CCDC112: variants seen among roughly 807,000 people sequenced by gnomAD.
CCDC112 encodes the protein coiled-coil domain-containing protein 112.
A neutral mutation model predicts 66.3 loss-of-function variants in CCDC112; 40 were observed. The observed-to-expected ratio is 0.60, with a 90% CI of 0.47 to 0.79. The LOEUF (loss-of-function observed/expected upper bound fraction) is 0.79. Ranked by LOEUF, CCDC112 falls within the 30% of genes least tolerant of loss-of-function variation. CCDC112 has a pLI of 0.00. For synonymous variants in CCDC112, 214 were observed against 197.2 expected (o/e 1.09, Z -0.71); for missense variants, 659 against 603.8 (o/e 1.09, Z -0.96).
intron 9 of CCDC112, 108 bp downstream of exon 9, chr5:115,268,774 T>C: frequency 2.6e-6 from 1 of 380,634 alleles, no homozygotes. Flanking sequence ...TTACATATTA[T>C]ATTTTCATAT....
rs769520015 is a variant in CCDC112 at position 115,271,399 on chromosome 5, CTCT to C, written c.1143_1145del (p.Glu382del). 2.0e-5 allele frequency: 32 copies of C among 1,607,938 alleles called. No individual in the cohort carries two copies. Among genetic ancestry groups the C allele is most frequent in the Admixed American group, 1.4e-4 (8 of 58,814 alleles). Reference sequence around the variant, plus strand: ...GTTCTTTCTGATGTTTTTTCTCTTTCTCTTCTTCTTCTTTTAACTGGGAAGCAC... The same window carrying C: ...GTTCTTTCTGATGTTTTTTCTCTTTCTCTTCTTCTTTTAACTGGGAAGCAC... On this transcript the variant is annotated inframe_deletion, in exon 7 of 10. Coordinates refer to ENST00000379611, the MANE Select transcript of CCDC112 (RefSeq NM_001040440.3).
chr5:115,274,414 T>C (rs1749119536), intron 6 of CCDC112, among the ~76,000 whole-genome samples: 1 of 152,224 alleles, frequency 6.6e-6, no homozygotes, highest in Admixed American at 6.5e-5. Flanking sequence ...GGCGTTATTT[T>C]TTTTTCTGGG....
In CCDC112 at chr5:115,273,623, T is replaced by A. The variant is rs545629657; in HGVS notation, c.918+1593A>T. 1.3e-4 allele frequency among the ~76,000 whole-genome samples: 20 copies of A among 152,300 alleles called. 1 individual carries two copies. Among genetic ancestry groups the A allele is most frequent in the Admixed American group, 9.2e-4 (14 of 15,300 alleles). On this transcript the variant is annotated intron_variant, in intron 6 of 9. Transcript: ENST00000379611. Reference sequence around the variant, plus strand: ...CAAGGAAAATAAGCTAGAATCTGAATGGTTTACTTTTATCACAAGAAGCAG... The same window carrying A: ...CAAGGAAAATAAGCTAGAATCTGAAAGGTTTACTTTTATCACAAGAAGCAG...
At chr5:115,276,879 A>C in intron 4 of CCDC112, 86 bp downstream of exon 4, 1 of 819,370 alleles carries the variant, frequency 1.2e-6, no homozygotes, top group Non-Finnish European at 2.0e-6. Flanking sequence ...CTTAAGTCCT[A>C]ACCAATAAAG....
rs1749231039 is a variant in CCDC112 at position 115,276,943 on chromosome 5, TATA to T, written c.451+19_451+21del. The T allele has an allele frequency of 7.0e-7, 1 of 1,428,924 alleles. No individual in the cohort carries two copies. Among genetic ancestry groups the T allele is most frequent in the African/African-American group, 1.4e-5 (1 of 70,904 alleles). The allele number at this position is 1,428,924 out of a possible 1,614,324, so 88.5% of individuals were successfully genotyped here. ...GAAAATACTAACACATAAGAAAGATTATAATATCTAAATTTACTTACAATCAGG... is the reference window on the plus strand; with the variant it reads ...GAAAATACTAACACATAAGAAAGATTATATCTAAATTTACTTACAATCAGG... On this transcript the variant is annotated intron_variant, in intron 4 of 9. Coordinates refer to ENST00000379611, the MANE Select transcript of CCDC112 (RefSeq NM_001040440.3).
At chr5:115,285,835 T>C (rs972631703) in intron 1 of CCDC112, among the ~76,000 whole-genome samples, 6 of 151,918 alleles carry the variant, frequency 3.9e-5, no homozygotes, top group Non-Finnish European at 7.4e-5. Flanking sequence ...AGTACAGCTA[T>C]AGAGACAAGG....
chr5:115,279,607 A>G, intron 3 of CCDC112, 40 bp downstream of exon 3: 1 of 1,601,412 alleles, frequency 6.2e-7, no homozygotes, highest in Non-Finnish European at 8.5e-7. Context: ...ACAACTTTAT[A>G]TCGCTCAACA....
chr5:115,268,915 G>C lies in CCDC112; in HGVS notation c.1514C>G (p.Thr505Arg). The C allele has an allele frequency of 6.2e-7, 1 of 1,605,780 alleles. No homozygotes were observed. Among genetic ancestry groups the C allele is most frequent in the Non-Finnish European group, 8.5e-7 (1 of 1,176,246 alleles). ...GATATGTAGAAGTGGCCCAGAGCCT[G>C]TTGGTCCTATCTTTTTGGTTCGTTC... is the stretch of plus-strand genomic sequence containing the variant. ...WEERTKKIGP[T>R]GSGPLLHIPH... is the part of the protein sequence containing the mutation. The change falls in exon 9 of 10, where the codon ACA (threonine) becomes AGA (arginine). Residue 505 changes from threonine (T) to arginine (R), a missense_variant. Physicochemically the swap from Thr to Arg is moderately conservative, Grantham distance 71. Transcript: ENST00000379611.
chr5:115,275,246 C>T lies in CCDC112; in HGVS notation c.888G>A (p.Lys296=). ...EVQQHEKWYQ[K]FLALEERKKE... ...TTTTTCTTTCTTCTAGAGCCAGAAA[C>T]TTTTGATACCATTTTTCATGCTGTT... Residue 296 remains lysine, a synonymous_variant, in exon 6 of 10, where the codon AAG becomes AAA. Transcript: ENST00000379611. 6.2e-7 allele frequency: 1 copy of T among 1,610,236 alleles called. No individual in the cohort carries two copies. The highest frequency in any genetic ancestry group is 8.5e-7 in the Non-Finnish European group (1 of 1,178,982).
intron 1 of CCDC112, among the ~76,000 whole-genome samples, chr5:115,288,590 A>G (rs558353722): frequency 6.6e-6 from 1 of 152,366 alleles, no homozygotes; most frequent in Non-Finnish European, 1.5e-5. Context: ...CTAAAAAATA[A>G]CATGGGAATG....
chr5:115,277,006 T>G lies in CCDC112; in HGVS notation c.410A>C (p.Lys137Thr), dbSNP rs1749234043. Residue 137 changes from lysine (K) to threonine (T), a missense_variant, in exon 4 of 10, where the codon AAA becomes ACA. By Grantham distance (78) the Lys-to-Thr change is moderately conservative. Transcript: ENST00000379611. ...CACATCTTTTAATTGATGCTGAAGT[T>G]TCTTTACATTATTATGTATTTTGGC... ...QLAKIHNNVKKLQHQLKDVKP... is the reference protein window; with the variant it reads ...QLAKIHNNVKTLQHQLKDVKP... 1 of 1,610,526 alleles carries G rather than the reference T, an allele frequency of 6.2e-7. No homozygotes were observed. Among genetic ancestry groups the G allele is most frequent in the Non-Finnish European group, 8.5e-7 (1 of 1,177,694 alleles).
intron 2 of CCDC112, among the ~76,000 whole-genome samples, chr5:115,284,296 G>A (rs1749583751): frequency 6.6e-6 from 1 of 152,010 alleles, no homozygotes; most frequent in Non-Finnish European, 1.5e-5. Context: ...TGTAACCTAT[G>A]GAAAGATGTT....
chr5:115,281,354 A>C (rs775415422), intron 2 of CCDC112, among the ~76,000 whole-genome samples: 3 of 152,130 alleles, frequency 2.0e-5, no homozygotes, highest in Non-Finnish European at 4.4e-5. Flanking sequence ...TATTCATAAG[A>C]CACATGGGGG....
intron 1 of CCDC112, among the ~76,000 whole-genome samples, chr5:115,293,795 G>T (rs1750035195): frequency 6.6e-6 from 1 of 152,162 alleles, no homozygotes; most frequent in Non-Finnish European, 1.5e-5. Context: ...ATTATTGAAG[G>T]GTTATTTCAG....
At position 115,281,941 on chromosome 5, in the gene CCDC112, A is replaced by G. The variant is rs2127064395; in HGVS notation, c.240-2173T>C. Among the ~76,000 whole-genome samples, 2 of 152,352 alleles carry G rather than the reference A, an allele frequency of 1.3e-5. 1 individual carries two copies. Among genetic ancestry groups the G allele is most frequent in the South Asian group, 4.1e-4 (2 of 4,826 alleles). ...TGTTGTCTACGGAGGGCAATTTAGC[A>G]ATATTTATCACATTTGTAAATTCAT... is the stretch of plus-strand genomic sequence containing the variant. On this transcript the variant is annotated intron_variant, in intron 2 of 9. Transcript: ENST00000379611.
chr5:115,281,649 A>T (rs993760635), intron 2 of CCDC112, among the ~76,000 whole-genome samples: 13 of 152,188 alleles, frequency 8.5e-5, no homozygotes, highest in Non-Finnish European at 7.3e-5. Flanking sequence ...ATATCACTCA[A>T]CAGTTTTTAG....
chr5:115,271,020 T>C (rs1748971905), intron 7 of CCDC112, among the ~76,000 whole-genome samples, 193 bp downstream of exon 7: 1 of 152,154 alleles, frequency 6.6e-6, no homozygotes, highest in Non-Finnish European at 1.5e-5. Flanking sequence ...TATACTGCAA[T>C]CTCCTACTTC....
At chr5:115,272,483 T>C (rs1749047600) in intron 6 of CCDC112, among the ~76,000 whole-genome samples, 1 of 152,244 alleles carries the variant, frequency 6.6e-6, no homozygotes, top group Non-Finnish European at 1.5e-5. Context: ...TGCTCATCTA[T>C]AAAATGGTAG....
At position 115,271,373 on chromosome 5, in the gene CCDC112, C is replaced by A. The variant is rs768792285; in HGVS notation, c.1172G>T (p.Arg391Leu). The change falls in exon 7 of 10, where the codon CGC (arginine) becomes CTC (leucine). Residue 391 changes from arginine (R) to leucine (L), a missense_variant. Physicochemically the swap from Arg to Leu is moderately radical, Grantham distance 102 (BLOSUM62 -2). Coordinates refer to ENST00000379611, the MANE Select transcript of CCDC112 (RefSeq NM_001040440.3). Reference protein sequence around the residue: ...EEKEKKHQKERQRQFKLKLLL... With the variant: ...EEKEKKHQKELQRQFKLKLLL... ...TAATTTTAACTTAAACTGGCGCTGG[C>A]GTTCTTTCTGATGTTTTTTCTCTTT... is the stretch of plus-strand genomic sequence containing the variant. 4 of 1,611,188 alleles carry A rather than the reference C, an allele frequency of 2.5e-6. No homozygotes were observed. The African/African-American group carries it at 4.0e-5, about 16-fold the overall frequency.
Sources: allele counts gnomAD v4.1 joint callset (sites outside exome capture counted in the v4.1 genomes callset), GRCh38; gene constraint gnomAD v4.1.1; transcripts MANE v1.5; gene names NCBI Gene and HGNC (gene_info 2026-07-23, HGNC 2026-07-21).